RBFOX3: variants seen among roughly 807,000 people sequenced by gnomAD.
RBFOX3 encodes the protein RNA binding protein fox-1 homolog 3.
A neutral mutation model predicts 48.7 loss-of-function variants in RBFOX3; 17 were observed. That is an observed-to-expected ratio of 0.35 (90% CI 0.24 to 0.52). The LOEUF (loss-of-function observed/expected upper bound fraction) is 0.52, where lower values mean the gene tolerates loss of function less well. Ranked by LOEUF, RBFOX3 falls within the 20% of genes least tolerant of loss-of-function variation. The pLI is 0.94. For synonymous variants in RBFOX3, 212 were observed against 209.5 expected (o/e 1.01, Z -0.10); for missense variants, 382 against 497.5 (o/e 0.77, Z 2.21).
At chr17:79,513,028 C>T (rs905165351) in intron 1 of RBFOX3, among the ~76,000 whole-genome samples, 8 of 146,724 alleles carry the variant, frequency 5.5e-5, no homozygotes, top group Admixed American at 1.3e-4. Context: ...CACCCGGATA[C>T]GTGTTACCAT....
At chr17:79,108,328 T>C (rs1163593396) in intron 5 of RBFOX3, among the ~76,000 whole-genome samples, 4 of 152,210 alleles carry the variant, frequency 2.6e-5, no homozygotes, top group African/African-American at 9.6e-5. Flanking sequence ...CCGTGTGGCC[T>C]GCGGAGCAGA....
At chr17:79,313,879 G>A (rs2077184709) in intron 2 of RBFOX3, among the ~76,000 whole-genome samples, 1 of 152,178 alleles carries the variant, frequency 6.6e-6, no homozygotes, top group African/African-American at 2.4e-5. Context: ...CCACCTCCAG[G>A]AGCTACTGTG....
chr17:79,186,950 C>T (rs1045494404), intron 4 of RBFOX3, among the ~76,000 whole-genome samples: 40 of 152,216 alleles, frequency 2.6e-4, no homozygotes, highest in African/African-American at 9.6e-4. Flanking sequence ...GTGTCTTCCC[C>T]AGCTTCCCTG....
intron 4 of RBFOX3, among the ~76,000 whole-genome samples, chr17:79,197,233 T>G (rs1599922132): frequency 1.4e-5 from 1 of 71,158 alleles, no homozygotes; most frequent in South Asian, 6.7e-4. Flanking sequence ...GTCCACATGC[T>G]GTTTTCTGTC....
At chr17:79,306,914 T>C (rs2145560661) in intron 3 of RBFOX3, among the ~76,000 whole-genome samples, 1 of 152,346 alleles carries the variant, frequency 6.6e-6, no homozygotes, top group South Asian at 2.1e-4. Flanking sequence ...TCTCCTGGTC[T>C]GGGGCCCGAC....
intron 2 of RBFOX3, among the ~76,000 whole-genome samples, chr17:79,377,253 G>C (rs1433839957): frequency 6.6e-6 from 1 of 152,052 alleles, no homozygotes; most frequent in Non-Finnish European, 1.5e-5. Flanking sequence ...CAGAGACGTG[G>C]ACCACAGATG....
chr17:79,590,137 C>T (rs899472228), intron 1 of RBFOX3, among the ~76,000 whole-genome samples: 2 of 152,064 alleles, frequency 1.3e-5, no homozygotes, highest in African/African-American at 4.8e-5. Flanking sequence ...GCCTCCCCAC[C>T]CCCCAGGCCA....
At chr17:79,200,932 T>C (rs535039601) in intron 4 of RBFOX3, among the ~76,000 whole-genome samples, 2 of 152,188 alleles carry the variant, frequency 1.3e-5, no homozygotes, top group East Asian at 3.9e-4. Flanking sequence ...CAGCTGGGCC[T>C]GGCCAGTCCC....
chr17:79,363,519 ATCT>A lies in RBFOX3; in HGVS notation c.-174-55698_-174-55696del, dbSNP rs2057294515. Among the ~76,000 whole-genome samples the A allele has an allele frequency of 6.6e-6, 1 of 151,980 alleles. No homozygotes were observed. The highest frequency in any genetic ancestry group is 6.5e-5 in the Admixed American group (1 of 15,278). ...CAGAAGTATCTCAGAAGTATCTCAG[ATCT>A]TCTGAGGATGCCCAACACAAGGCTC... On this transcript the variant is annotated intron_variant, in intron 2 of 14. Coordinates refer to ENST00000693108, the MANE Select transcript of RBFOX3 (RefSeq NM_001350451.2). This position sits in a 1 kb window ranked among gnomAD's most constrained non-coding sequence, Gnocchi z 4.7.
chr17:79,344,335 G>A (rs976569547), intron 2 of RBFOX3, among the ~76,000 whole-genome samples: 3 of 152,124 alleles, frequency 2.0e-5, no homozygotes, highest in African/African-American at 4.8e-5. Context: ...CTGCCAGTGA[G>A]TACATCCTTG....
At chr17:79,445,315 T>C (rs1298653941) in intron 2 of RBFOX3, among the ~76,000 whole-genome samples, 1 of 152,142 alleles carries the variant, frequency 6.6e-6, no homozygotes, top group Non-Finnish European at 1.5e-5. Context: ...GAATGTCAGG[T>C]GAAGCTCAGG....
At chr17:79,625,469 A>G in the RBFOX3 span, among the ~76,000 whole-genome samples, 1 of 152,258 alleles carries the variant, frequency 6.6e-6, no homozygotes, top group East Asian at 1.9e-4. Flanking sequence ...CAACATTTGG[A>G]TGGACATGTG....
At chr17:79,583,623 G>C (rs1447168508) in intron 1 of RBFOX3, among the ~76,000 whole-genome samples, 1 of 152,226 alleles carries the variant, frequency 6.6e-6, no homozygotes, top group Non-Finnish European at 1.5e-5. Flanking sequence ...CTCCAAGCAG[G>C]AGCTGCCTGT....
chr17:79,638,954 T>C, the RBFOX3 span, among the ~76,000 whole-genome samples: 1 of 152,160 alleles, frequency 6.6e-6, no homozygotes, highest in Non-Finnish European at 1.5e-5. Context: ...TCAGCTATTT[T>C]ATAGCAAGAC....
At chr17:79,505,219 G>C (rs1185757531) in intron 1 of RBFOX3, among the ~76,000 whole-genome samples, 1 of 152,100 alleles carries the variant, frequency 6.6e-6, no homozygotes, top group Non-Finnish European at 1.5e-5. Context: ...CTTCAGAAGA[G>C]GATCTACAGA....
intron 14 of RBFOX3, among the ~76,000 whole-genome samples, chr17:79,093,142 G>C (rs988114257): frequency 3.9e-5 from 6 of 152,096 alleles, no homozygotes; most frequent in Admixed American, 2.0e-4. Flanking sequence ...TTGCTCTCTG[G>C]GGGGGTCTCT....
chr17:79,324,043 C>G (rs1319945648), intron 2 of RBFOX3, among the ~76,000 whole-genome samples: 1 of 152,186 alleles, frequency 6.6e-6, no homozygotes, highest in Non-Finnish European at 1.5e-5. Context: ...TTGTTGAGCC[C>G]TTTACAGGGG....
chr17:79,091,230 C>T (rs115085954), intron 14 of RBFOX3, among the ~76,000 whole-genome samples: 3,072 of 152,240 alleles, frequency 0.02, 77 homozygotes, highest in African/African-American at 0.067. Context: ...GGGAGCCGGG[C>T]CCCCCACGGC....
At chr17:79,237,202 G>C (rs2061733503) in intron 3 of RBFOX3, among the ~76,000 whole-genome samples, 1 of 152,170 alleles carries the variant, frequency 6.6e-6, no homozygotes. Context: ...CAAGTGAAAA[G>C]CTTCTGGAAT....
Sources: allele counts gnomAD v4.1 joint callset (sites outside exome capture counted in the v4.1 genomes callset), GRCh38; gene constraint gnomAD v4.1.1; non-coding constraint Gnocchi (gnomAD v3.1); transcripts MANE v1.5; gene names NCBI Gene and HGNC (gene_info 2026-07-23, HGNC 2026-07-21).